The following RBX1 variants were observed in gnomAD, a reference collection of about 807,000 sequenced individuals.
RBX1 encodes the protein E3 ubiquitin-protein ligase RBX1.
For synonymous variants in RBX1, 48 were observed against 47.9 expected (o/e 1.00, Z -0.01); for missense variants, 46 against 141.4 (o/e 0.33, Z 3.42).
intron 2 of RBX1, among the ~76,000 whole-genome samples, chr22:40,960,259 G>A (rs552290480): frequency 6.6e-6 from 1 of 152,240 alleles, no homozygotes; most frequent in South Asian, 2.1e-4. Flanking sequence ...TGAGTTGAGG[G>A]GGAAGGAGGG....
chr22:40,959,526 T>C (rs751356506), intron 2 of RBX1, among the ~76,000 whole-genome samples: 10 of 152,192 alleles, frequency 6.6e-5, no homozygotes, highest in Non-Finnish European at 1.3e-4. Flanking sequence ...AAAGAATGAA[T>C]CTGGCCGGGC....
At chr22:40,953,494 C>A in intron 1 of RBX1, 61 bp from the exon 2 acceptor site, 1 of 1,147,020 alleles carries the variant, frequency 8.7e-7, no homozygotes, top group Non-Finnish European at 1.3e-6. Context: ...GCCTGAGGTC[C>A]TAAAGAGTAT....
chr22:40,954,399 T>G (rs1045636695), intron 2 of RBX1, among the ~76,000 whole-genome samples: 3 of 152,182 alleles, frequency 2.0e-5, no homozygotes, highest in Non-Finnish European at 4.4e-5. Flanking sequence ...TGCCAACATC[T>G]AAATAAATAA....
intron 2 of RBX1, among the ~76,000 whole-genome samples, chr22:40,962,167 C>T (rs1191279765): frequency 1.3e-5 from 2 of 151,488 alleles, no homozygotes; most frequent in African/African-American, 4.9e-5. Flanking sequence ...TGGTGTGCAA[C>T]TTCGGCTCAC....
intron 2 of RBX1, among the ~76,000 whole-genome samples, chr22:40,955,661 A>G (rs1189119483): frequency 6.6e-6 from 1 of 152,224 alleles, no homozygotes; most frequent in African/African-American, 2.4e-5. Flanking sequence ...TTATTGTGCA[A>G]TGTAAGACTA....
At position 40,951,551 on chromosome 22, in the gene RBX1, A is replaced by C. The variant is rs941896840; in HGVS notation, c.78+75A>C. On this transcript the variant is annotated intron_variant, in intron 1 of 4. Transcript: ENST00000216225. ...TGGCTGGCAGGCCCGAGGATGGTCGAGGCGCGGAGTAAAGGGTTTCATTTC... is the reference window on the plus strand; with the variant it reads ...TGGCTGGCAGGCCCGAGGATGGTCGCGGCGCGGAGTAAAGGGTTTCATTTC... The C allele has an allele frequency of 4.9e-5, 69 of 1,418,366 alleles. No homozygotes were observed. In the African/African-American group the frequency reaches 9.4e-4, roughly 19 times the overall value. 87.9% of individuals were successfully genotyped at this position (1,418,366 alleles called of 1,614,324 possible).
intron 2 of RBX1, among the ~76,000 whole-genome samples, chr22:40,955,674 C>T (rs1169519676): frequency 6.6e-6 from 1 of 152,138 alleles, no homozygotes; most frequent in African/African-American, 2.4e-5. Flanking sequence ...TAAGACTAAC[C>T]CATAGTTGAG....
At position 40,969,995 on chromosome 22, in the gene RBX1, A is replaced by G. The variant is rs374774132; in HGVS notation, c.314+2111A>G. On this transcript the variant is annotated intron_variant, in intron 4 of 4. Transcript: ENST00000216225. Reference sequence around the variant, plus strand: ...AGGATCGCTTGAGCCCAGGAGGCGGAGGTTGCAGTAAGCTGAGATCATGCC... The same window carrying G: ...AGGATCGCTTGAGCCCAGGAGGCGGGGGTTGCAGTAAGCTGAGATCATGCC... 4.2e-3 allele frequency among the ~76,000 whole-genome samples: 621 copies of G among 146,706 alleles called. 2 individuals carry two copies. The highest frequency in any genetic ancestry group is 0.015 in the African/African-American group (581 of 39,942).
chr22:40,953,757 T>C, intron 2 of RBX1, 124 bp downstream of exon 2: 1 of 677,240 alleles, frequency 1.5e-6, no homozygotes, highest in Non-Finnish European at 2.8e-6. Context: ...CTCGGTCTTC[T>C]GTATCTAGTC....
At chr22:40,953,527 G>T (rs912845376) in intron 1 of RBX1, 28 bp from the exon 2 acceptor site, 1 of 1,457,968 alleles carries the variant, frequency 6.9e-7, no homozygotes, top group Non-Finnish European at 9.6e-7. Flanking sequence ...CAAGCAGAAT[G>T]CACTGTTCCC....
intron 4 of RBX1, among the ~76,000 whole-genome samples, chr22:40,970,864 G>A (rs1258936908): frequency 2.0e-5 from 3 of 152,156 alleles, no homozygotes; most frequent in East Asian, 1.9e-4. Flanking sequence ...TTATCAATGC[G>A]TATTCAGTTT....
chr22:40,967,806 T>C lies in RBX1; in HGVS notation c.236T>C (p.Phe79Ser). 6.2e-7 allele frequency: 1 copy of C among 1,613,492 alleles called. No homozygotes were observed. Among genetic ancestry groups the C allele is most frequent in the East Asian group, 2.2e-5 (1 of 44,878 alleles). ...TVAWGVCNHA[F>S]HFHCISRWLK... ...ATATATGTTTTCTTTCAGCATGCTT[T>C]TCACTTCCACTGCATCTCTCGCTGG... Residue 79 changes from phenylalanine (F) to serine (S), a missense_variant, in exon 4 of 5, where the codon TTT becomes TCT. By Grantham distance (155) the Phe-to-Ser change is radical (BLOSUM62 -2). Transcript: ENST00000216225.
At chr22:40,971,856 C>G (rs1471701095) in intron 4 of RBX1, among the ~76,000 whole-genome samples, 1 of 152,034 alleles carries the variant, frequency 6.6e-6, no homozygotes, top group Admixed American at 6.6e-5. Context: ...TGCACCCGGC[C>G]CCCGTTAATT....
rs557569829 is a variant in RBX1, at chr22:40,968,470, C to T, written c.314+586C>T. Among the ~76,000 whole-genome samples, 5 of 152,242 alleles carry T rather than the reference C, an allele frequency of 3.3e-5. No individual in the cohort carries two copies. In the East Asian group the frequency reaches 9.6e-4, roughly 29 times the overall value. ...TCTTAAATATTTCCAGAATTACATC[C>T]TAATGAGGCTCCATGGACTACCTAA... On this transcript the variant is annotated intron_variant, in intron 4 of 4. Coordinates refer to ENST00000216225, the MANE Select transcript of RBX1 (RefSeq NM_014248.4).
chr22:40,953,552 C>T lies in RBX1; in HGVS notation c.79-3C>T. ...GCACTGTTCCCTCTTTTTGTCTTTG[C>T]AGTGGAATGCAGTAGCCCTCTGGGC... On this transcript the variant is annotated splice_polypyrimidine_tract_variant and splice_region_variant and intron_variant, in intron 1 of 4. Transcript: ENST00000216225. The T allele has an allele frequency of 1.2e-6, 2 of 1,602,976 alleles. No homozygotes were observed. The highest frequency in any genetic ancestry group is 1.7e-6 in the Non-Finnish European group (2 of 1,170,806).
chr22:40,951,754 C>G (rs778398954), intron 1 of RBX1, among the ~76,000 whole-genome samples: 69 of 136,010 alleles, frequency 5.1e-4, no homozygotes, highest in African/African-American at 1.8e-3. Flanking sequence ...GGGAGCCAAG[C>G]GCTTGAGCTG....
Position 40,964,015 on chromosome 22 carries a change from G to A in RBX1, c.158-32G>A, listed in dbSNP as rs559899403. 4.4e-6 allele frequency: 7 copies of A among 1,578,924 alleles called. No individual in the cohort carries two copies. The South Asian group carries it at 6.6e-5, about 15-fold the overall frequency. ...AGATTGAAACGTTGCTGCTCCCAAG[G>A]TCCAGTGATCCTGTTGCTCTTGTTC... On this transcript the variant is annotated intron_variant, in intron 2 of 4. Coordinates refer to ENST00000216225, the MANE Select transcript of RBX1 (RefSeq NM_014248.4).
chr22:40,966,392 G>C (rs768419059), intron 3 of RBX1: 23 of 152,230 alleles, frequency 1.5e-4, no homozygotes, highest in Non-Finnish European at 2.6e-4. Flanking sequence ...CTGCTGCAAA[G>C]TGCTCAGTGG....
intron 3 of RBX1, among the ~76,000 whole-genome samples, chr22:40,965,908 T>C (rs935698979): frequency 6.6e-6 from 1 of 152,176 alleles, no homozygotes; most frequent in South Asian, 2.1e-4. Flanking sequence ...CTAAGAACCA[T>C]GTTCCTTTAT....
Sources: gnomAD v4.1 joint callset for allele counts (sites outside exome capture counted in the v4.1 genomes callset) on GRCh38, gnomAD v4.1.1 for gene constraint, MANE v1.5 for transcripts, NCBI Gene and HGNC (gene_info 2026-07-23, HGNC 2026-07-21) for gene names.